COL6A6: variants seen among roughly 807,000 people sequenced by gnomAD.
COL6A6 encodes collagen type VI alpha 6 chain.
In COL6A6, 183 loss-of-function variants were observed where a neutral mutation model predicts 208.6. The observed-to-expected ratio is 0.88, with a 90% confidence interval of 0.78 to 0.99. The LOEUF (loss-of-function observed/expected upper bound fraction) is 0.99, where lower values mean the gene tolerates loss of function less well. COL6A6 is among the 50% of genes least tolerant of loss of function. The pLI, the probability that COL6A6 is intolerant of heterozygous loss-of-function variation, is 0.00. For missense variants in COL6A6, 2,816 were observed against 2,815.2 expected (o/e 1.00, Z -0.01); for synonymous variants, 973 against 1,011.8 (o/e 0.96, Z 0.73).
chr3:130,593,306 A>C (rs1405256086), intron 17 of COL6A6, 54 bp downstream of exon 17: 1 of 1,393,194 alleles, frequency 7.2e-7, no homozygotes, highest in Non-Finnish European at 1.0e-6. Context: ...TAAGGGTGTG[A>C]TTAACAGAGT....
intron 8 of COL6A6, among the ~76,000 whole-genome samples, chr3:130,580,138 G>C (rs1217774815): frequency 6.6e-6 from 1 of 151,962 alleles, no homozygotes; most frequent in Non-Finnish European, 1.5e-5. Context: ...ATCATATCTT[G>C]GTTACTACCT....
chr3:130,616,757 T>C (rs2064540748), intron 23 of COL6A6, among the ~76,000 whole-genome samples: 1 of 152,080 alleles, frequency 6.6e-6, no homozygotes, highest in Admixed American at 6.6e-5. Flanking sequence ...CATAGCACAG[T>C]GGTAAATGGT....
At chr3:130,580,965 C>A (rs533340635) in intron 8 of COL6A6, among the ~76,000 whole-genome samples, 12 of 151,802 alleles carry the variant, frequency 7.9e-5, no homozygotes, top group African/African-American at 2.7e-4. Flanking sequence ...GTCAGACTTA[C>A]ACCAAGCAAG....
chr3:130,571,759 C>A (rs1488024136), intron 7 of COL6A6, among the ~76,000 whole-genome samples: 1 of 151,624 alleles, frequency 6.6e-6, no homozygotes, highest in Non-Finnish European at 1.5e-5. Context: ...ACTGCAGCCT[C>A]AACTTCCAGG....
At chr3:130,666,652 C>A (rs1308979094) in intron 36 of COL6A6, among the ~76,000 whole-genome samples, 2 of 151,884 alleles carry the variant, frequency 1.3e-5, no homozygotes, top group African/African-American at 2.4e-5. Flanking sequence ...TGAAGAGAAA[C>A]ATAATTACAG....
At chr3:130,663,315 G>A (rs1052719351) in intron 35 of COL6A6, among the ~76,000 whole-genome samples, 1 of 152,162 alleles carries the variant, frequency 6.6e-6, no homozygotes, top group Non-Finnish European at 1.5e-5. Context: ...TGTTAGAAAT[G>A]TAGAATCTTA....
intron 1 of COL6A6, among the ~76,000 whole-genome samples, chr3:130,533,253 T>TAAAAAAAAAAAAA (rs59750509): frequency 1.5e-5 from 2 of 129,530 alleles, no homozygotes; most frequent in Non-Finnish European, 3.3e-5. Flanking sequence ...TCCCAGGAAT[T>TAAAAAAAAAAAAA]AAAAAAAAAA....
At chr3:130,664,917 G>C (rs1377034716) in intron 35 of COL6A6, 86 bp from the exon 36 acceptor site, 1 of 846,726 alleles carries the variant, frequency 1.2e-6, no homozygotes, top group East Asian at 2.9e-5. Flanking sequence ...ATTTAAAACA[G>C]TAAAGTGGCA....
Position 130,649,412 on chromosome 3 carries a change from AC to A in COL6A6, c.5584del (p.His1862ThrfsTer36). 6.2e-7 allele frequency: 1 copy of A among 1,613,114 alleles called. No individual in the cohort carries two copies. On this transcript the variant is annotated frameshift_variant, in exon 33 of 37. Coordinates refer to ENST00000358511, the MANE Select transcript of COL6A6 (RefSeq NM_001102608.3). LOFTEE classifies it high-confidence loss of function. ...TCTTCAAGCGGACGCTTCCGGGGGC[AC>A]ACACGAGAAAAATCGCCACATTTTT... ...NVFKRTLPGA[H>X]TRKIATFFSS...
At chr3:130,621,754 G>GAC (rs2064723216) in intron 23 of COL6A6, 67 bp from the exon 24 acceptor site, 1 of 1,363,316 alleles carries the variant, frequency 7.3e-7, no homozygotes, top group Non-Finnish European at 1.0e-6. Context: ...CCTCTTATAA[G>GAC]ACAGAGGGTT....
Position 130,660,154 on chromosome 3 carries a change from T to A in COL6A6, c.5830+1382T>A, listed in dbSNP as rs530349908. On this transcript the variant is annotated intron_variant, in intron 34 of 36. Transcript: ENST00000358511. ...TGGCTTCATTTCTTGGCTTAAACCC[T>A]TGTTTTGTCTCTTAGGCATATAATA... 1.8e-4 allele frequency among the ~76,000 whole-genome samples: 28 copies of A among 152,352 alleles called. 1 individual carries two copies. Among genetic ancestry groups the A allele is most frequent in the Admixed American group, 1.1e-3 (17 of 15,308 alleles).
chr3:130,611,270 C>T (rs1337146653), intron 23 of COL6A6, among the ~76,000 whole-genome samples: 1 of 152,182 alleles, frequency 6.6e-6, no homozygotes, highest in South Asian at 2.1e-4. Context: ...GGATTGTTAA[C>T]TAGAGAACTT....
chr3:130,551,986 T>C (rs998106574), intron 1 of COL6A6, among the ~76,000 whole-genome samples: 1 of 152,200 alleles, frequency 6.6e-6, no homozygotes, highest in East Asian at 1.9e-4. Context: ...TCAGTATTGA[T>C]TTCTATTTTT....
rs752049202 is a variant in COL6A6 at position 130,608,763 on chromosome 3, C to CTT, written c.4690-113_4690-112dup. 865 of 310,172 alleles carry CTT rather than the reference C, an allele frequency of 2.8e-3. 212 individuals carry two copies. The African/African-American group carries it at 0.036, about 13-fold the overall frequency. 19.2% of individuals were successfully genotyped at this position (310,172 alleles called of 1,614,324 possible). A position where few individuals can be genotyped will look rare whatever the true frequency, so the allele number is the denominator to read the frequency against. ...CTTTGTATTTGCATTTATTTTTCAC[C>CTT]TTTTTTTTTTTTTTTTTTTTTTTTT... On this transcript the variant is annotated intron_variant, in intron 21 of 36. Transcript: ENST00000358511.
Position 130,591,092 on chromosome 3 carries a change from G to C in COL6A6, c.4270G>C (p.Ala1424Pro), listed in dbSNP as rs201907492. ...SEGYLGEEGI[A>P]GERGAPGPVG... is the part of the protein sequence containing the mutation. ...AGGCTACCTGGGAGAGGAGGGAATC[G>C]CTGTAAGTCAGGGCTCTTTTTTACC... Residue 1424 changes from alanine to proline, a missense_variant and splice_region_variant, in exon 13 of 37, where the codon GCT (alanine) becomes CCT (proline). Physicochemically the swap from Ala to Pro is conservative, Grantham distance 27. Transcript: ENST00000358511. 7.5e-5 allele frequency: 118 copies of C among 1,579,714 alleles called. No homozygotes were observed. In the Middle Eastern group the frequency reaches 8.3e-4, roughly 11 times the overall value.
chr3:130,547,356 G>A (rs1407668917), intron 1 of COL6A6, among the ~76,000 whole-genome samples: 1 of 152,278 alleles, frequency 6.6e-6, no homozygotes, highest in Non-Finnish European at 1.5e-5. Flanking sequence ...CACTCCAAGT[G>A]CGGGGGCCCG....
intron 1 of COL6A6, among the ~76,000 whole-genome samples, chr3:130,549,558 TG>T (rs1431595884): frequency 6.6e-6 from 1 of 152,196 alleles, no homozygotes; most frequent in East Asian, 1.9e-4. Flanking sequence ...CATCTTGGAT[TG>T]TTTTTTTTTG....
At chr3:130,628,485 A>C (rs1390671187) in intron 26 of COL6A6, among the ~76,000 whole-genome samples, 2 of 152,190 alleles carry the variant, frequency 1.3e-5, no homozygotes, top group Non-Finnish European at 2.9e-5. Flanking sequence ...CTGGGCAGTA[A>C]GATTTTGGTG....
chr3:130,535,272 C>T (rs1161653774), intron 1 of COL6A6, among the ~76,000 whole-genome samples: 14 of 152,134 alleles, frequency 9.2e-5, no homozygotes, highest in African/African-American at 1.7e-4. Flanking sequence ...TAAAACACAA[C>T]GTTTAATGAA....
Sources: allele counts gnomAD v4.1 joint callset (sites outside exome capture counted in the v4.1 genomes callset), GRCh38; gene constraint gnomAD v4.1.1; transcripts MANE v1.5; gene names NCBI Gene and HGNC (gene_info 2026-07-23, HGNC 2026-07-21).